GRIK2: variants seen among roughly 807,000 people sequenced by gnomAD.
GRIK2 encodes glutamate receptor ionotropic, kainate 2.
Under a neutral mutation model 100.3 loss-of-function variants are expected in GRIK2, and 32 were observed. The observed-to-expected ratio is 0.32, with a 90% CI of 0.24 to 0.43. GRIK2 has a LOEUF of 0.43. GRIK2 is among the 20% of genes least tolerant of loss of function. The pLI is 1.00. For synonymous variants in GRIK2, 417 were observed against 389.4 expected (o/e 1.07, Z -0.83); for missense variants, 843 against 1,114.9 (o/e 0.76, Z 3.47).
chr6:101,751,113 T>A (rs989428889), intron 7 of GRIK2, among the ~76,000 whole-genome samples: 2 of 152,124 alleles, frequency 1.3e-5, no homozygotes, highest in African/African-American at 4.8e-5. Flanking sequence ...TTCTTCTAAA[T>A]TTTTTGTAGA....
At chr6:101,552,919 T>C (rs1489822697) in intron 2 of GRIK2, among the ~76,000 whole-genome samples, 3 of 152,214 alleles carry the variant, frequency 2.0e-5, no homozygotes, top group Admixed American at 6.5e-5. Flanking sequence ...TAGATTTTCA[T>C]AAGTTTAGGC....
intron 12 of GRIK2, among the ~76,000 whole-genome samples, chr6:101,917,349 G>A (rs149317793): frequency 2.0e-5 from 3 of 151,750 alleles, no homozygotes; most frequent in Non-Finnish European, 4.4e-5. Context: ...ACTTGTGTTG[G>A]CACCAAACTG....
At chr6:101,453,306 T>A (rs1165604148) in intron 2 of GRIK2, among the ~76,000 whole-genome samples, 2 of 151,760 alleles carry the variant, frequency 1.3e-5, no homozygotes, top group African/African-American at 4.8e-5. Context: ...AAGAAAAAAA[T>A]TAATTGACTT....
intron 7 of GRIK2, among the ~76,000 whole-genome samples, chr6:101,790,339 G>A (rs1383529825): frequency 6.6e-6 from 1 of 152,066 alleles, no homozygotes; most frequent in Non-Finnish European, 1.5e-5. Flanking sequence ...TATTGGCTGT[G>A]GGTTTGTCAT....
chr6:101,617,541 C>T (rs576942331), intron 2 of GRIK2, among the ~76,000 whole-genome samples: 38 of 151,852 alleles, frequency 2.5e-4, no homozygotes, highest in Middle Eastern at 3.4e-3. Context: ...TTCTGTGTCA[C>T]AGAGTTTGTA....
chr6:101,496,883 T>TA (rs1172949418), intron 2 of GRIK2, among the ~76,000 whole-genome samples: 1 of 152,246 alleles, frequency 6.6e-6, no homozygotes, highest in Non-Finnish European at 1.5e-5. Context: ...GAATAGTTTT[T>TA]ATCATGGTTT....
At chr6:101,786,662 C>G (rs1317241783) in intron 7 of GRIK2, among the ~76,000 whole-genome samples, 3 of 151,964 alleles carry the variant, frequency 2.0e-5, no homozygotes, top group African/African-American at 7.2e-5. Flanking sequence ...GTTGTAGTAC[C>G]TTTTGGATGT....
At chr6:101,425,767 A>C (rs1044324980) in intron 2 of GRIK2, among the ~76,000 whole-genome samples, 1 of 152,056 alleles carries the variant, frequency 6.6e-6, no homozygotes, top group African/African-American at 2.4e-5. Context: ...AGAATTGTCA[A>C]CTCTGCTCTC....
intron 2 of GRIK2, among the ~76,000 whole-genome samples, chr6:101,595,714 G>GTATATATATATATATATA (rs1213458153): frequency 2.1e-3 from 266 of 129,452 alleles, no homozygotes; most frequent in African/African-American, 2.8e-3. Flanking sequence ...GTGTGTGTGT[G>GTATATATATATATATATA]TGTGTATATA....
At chr6:101,799,908 C>G (rs551851519) in intron 8 of GRIK2, 117 bp downstream of exon 8, 2 of 784,138 alleles carry the variant, frequency 2.6e-6, no homozygotes, top group Non-Finnish European at 4.0e-6. Context: ...TAAATTTTCT[C>G]TCTTACTCCA....
intron 2 of GRIK2, among the ~76,000 whole-genome samples, chr6:101,428,590 C>T (rs1249088959): frequency 6.6e-6 from 1 of 152,052 alleles, no homozygotes; most frequent in Non-Finnish European, 1.5e-5. Context: ...ATGGTTCTTG[C>T]AGTTACGTAA....
chr6:101,922,157 CTCCT>C (rs1330113113), intron 12 of GRIK2, among the ~76,000 whole-genome samples: 1 of 147,848 alleles, frequency 6.8e-6, no homozygotes, highest in African/African-American at 2.5e-5. Context: ...TCCTCCCTCA[CTCCT>C]TCCTTCCATT....
intron 10 of GRIK2, among the ~76,000 whole-genome samples, chr6:101,856,320 A>G (rs181488691): frequency 1.1e-4 from 17 of 152,130 alleles, no homozygotes; most frequent in African/African-American, 4.1e-4. Context: ...GAAAACATGT[A>G]AAAGTTTTGG....
chr6:101,422,458 G>A (rs945513966), intron 2 of GRIK2, among the ~76,000 whole-genome samples: 5 of 151,952 alleles, frequency 3.3e-5, no homozygotes, highest in Non-Finnish European at 7.4e-5. Flanking sequence ...CAAAGGCTGC[G>A]GCCAGAGTCT....
At chr6:101,453,599 G>A (rs910605093) in intron 2 of GRIK2, among the ~76,000 whole-genome samples, 16 of 151,976 alleles carry the variant, frequency 1.1e-4, no homozygotes, top group African/African-American at 3.9e-4. Context: ...AGTTTAATAA[G>A]GAAAAGTTTC....
rs555320790 is a variant in GRIK2, at chr6:101,539,797, A to G, written c.116-82152A>G. Reference sequence around the variant, plus strand: ...GTTTTGGCTGTAGGATTTTTTTTTAATTTTAACATACCAGAAATTTTACCT... The same window carrying G: ...GTTTTGGCTGTAGGATTTTTTTTTAGTTTTAACATACCAGAAATTTTACCT... On this transcript the variant is annotated intron_variant, in intron 2 of 16. Coordinates refer to ENST00000369134, the MANE Select transcript of GRIK2 (RefSeq NM_021956.5). 1.5e-3 allele frequency among the ~76,000 whole-genome samples: 230 copies of G among 151,674 alleles called. 1 individual carries two copies. The highest frequency in any genetic ancestry group is 5.1e-3 in the African/African-American group (211 of 41,474).
intron 14 of GRIK2, among the ~76,000 whole-genome samples, chr6:101,980,327 C>CTT (rs2128489051): frequency 6.6e-6 from 1 of 152,014 alleles, no homozygotes; most frequent in East Asian, 1.9e-4. Context: ...TTTCTTGAGT[C>CTT]TGAGAGAAGA....
chr6:101,836,059 A>T (rs943669619), intron 10 of GRIK2, among the ~76,000 whole-genome samples: 1 of 151,328 alleles, frequency 6.6e-6, no homozygotes, highest in Non-Finnish European at 1.5e-5. Flanking sequence ...TCCATGAAGA[A>T]TTATAGGTTG....
chr6:101,532,859 T>C (rs1234495586), intron 2 of GRIK2, among the ~76,000 whole-genome samples: 1 of 151,748 alleles, frequency 6.6e-6, no homozygotes, highest in Non-Finnish European at 1.5e-5. Flanking sequence ...AGAATTAAGA[T>C]GAAAACAGAA....
Sources: gnomAD v4.1 joint callset for allele counts (sites outside exome capture counted in the v4.1 genomes callset) on GRCh38, gnomAD v4.1.1 for gene constraint, MANE v1.5 for transcripts, NCBI Gene and HGNC (gene_info 2026-07-23, HGNC 2026-07-21) for gene names.